The following PTPRN2 variants were observed in gnomAD, a reference collection of about 807,000 sequenced individuals.
PTPRN2 encodes the protein receptor-type tyrosine-protein phosphatase N2.
PTPRN2 carries 74 observed loss-of-function variants against 118.8 expected under a neutral mutation model. The observed-to-expected ratio is 0.62, with a 90% confidence interval of 0.52 to 0.76. PTPRN2 has a LOEUF of 0.76. Among genes scored for constraint, PTPRN2 ranks in the 30% least tolerant of loss-of-function variants. PTPRN2 has a pLI of 0.00. For missense variants in PTPRN2, 1,481 were observed against 1,394.4 expected, an observed-to-expected ratio of 1.06 and a Z score of -0.99; for synonymous variants, 641 against 608.0, an observed-to-expected ratio of 1.05 and a Z score of -0.80.
At chr7:158,262,889 TCACA>T (rs199523795) in intron 3 of PTPRN2, among the ~76,000 whole-genome samples, 7 of 114,074 alleles carry the variant, frequency 6.1e-5, no homozygotes, top group Admixed American at 3.7e-4. Flanking sequence ...ACACATACAT[TCACA>T]CACACTGCAA....
At chr7:158,132,099 T>C (rs186929359) in intron 9 of PTPRN2, among the ~76,000 whole-genome samples, 174 of 145,034 alleles carry the variant, frequency 1.2e-3, no homozygotes, top group African/African-American at 4.4e-3. Context: ...CACGCACATA[T>C]GCACAGATAC....
At chr7:158,004,002 A>C (rs1805469238) in intron 11 of PTPRN2, among the ~76,000 whole-genome samples, 1 of 152,056 alleles carries the variant, frequency 6.6e-6, no homozygotes, top group African/African-American at 2.4e-5. Context: ...GTTTCATTTC[A>C]CTGAGTTCCA....
chr7:158,344,520 A>G (rs1807342908), intron 2 of PTPRN2, among the ~76,000 whole-genome samples: 1 of 142,114 alleles, frequency 7.0e-6, no homozygotes, highest in Non-Finnish European at 1.6e-5. Flanking sequence ...CCGGCATTTA[A>G]TACAAGACAC....
At chr7:157,816,260 G>C (rs1438606611) in intron 12 of PTPRN2, among the ~76,000 whole-genome samples, 1 of 152,192 alleles carries the variant, frequency 6.6e-6, no homozygotes, top group Non-Finnish European at 1.5e-5. Flanking sequence ...CCGCCTCCCT[G>C]GGCCATGCTG....
In PTPRN2 at chr7:157,546,774, T is replaced by G. The variant is rs533227121; in HGVS notation, c.2976+2172A>C. Among the ~76,000 whole-genome samples the G allele has an allele frequency of 8.5e-5, 13 of 152,352 alleles. No homozygotes were observed. In the East Asian group the frequency reaches 2.5e-3, roughly 29 times the overall value. The stretch of plus-strand genomic sequence containing the variant: ...ACCTGGCATGTAATGATTGTGACTG[T>G]GGCTTCCTCTTTCTCTGATGAGTCC... On this transcript the variant is annotated intron_variant, in intron 22 of 22. Transcript: ENST00000389418.
At chr7:158,313,831 T>A (rs1443580502) in intron 3 of PTPRN2, among the ~76,000 whole-genome samples, 2 of 152,234 alleles carry the variant, frequency 1.3e-5, no homozygotes, top group Non-Finnish European at 2.9e-5. Context: ...GAAAAAGCTA[T>A]TGCTTTAAAA....
At chr7:157,679,163 A>G (rs547394306) in intron 13 of PTPRN2, among the ~76,000 whole-genome samples, 2 of 152,338 alleles carry the variant, frequency 1.3e-5, no homozygotes, top group South Asian at 2.1e-4. Flanking sequence ...AAAAAGAATA[A>G]AAGTCAATAA....
At chr7:157,562,666 ATGTG>A (rs1799248789) in intron 21 of PTPRN2, among the ~76,000 whole-genome samples, 1 of 151,754 alleles carries the variant, frequency 6.6e-6, no homozygotes, top group Non-Finnish European at 1.5e-5. Flanking sequence ...GATCAGGACC[ATGTG>A]CTCCCGCGTC....
At chr7:157,566,558 G>A (rs1336840767) in intron 21 of PTPRN2, among the ~76,000 whole-genome samples, 1 of 152,228 alleles carries the variant, frequency 6.6e-6, no homozygotes, top group Non-Finnish European at 1.5e-5. Flanking sequence ...CCCAGGGAAA[G>A]AGGAGCAGGT....
chr7:157,591,919 T>C lies in PTPRN2; in HGVS notation c.2496+3319A>G, dbSNP rs1162205599. Reference sequence around the variant, plus strand: ...TCTGCAGGGAGCAAAATGAAGCGAGTTTCTTTAGTTCACAATTTCTCAGAG... The same window carrying C: ...TCTGCAGGGAGCAAAATGAAGCGAGCTTCTTTAGTTCACAATTTCTCAGAG... On this transcript the variant is annotated intron_variant, in intron 17 of 22. Coordinates refer to ENST00000389418, the MANE Select transcript of PTPRN2 (RefSeq NM_002847.5). The surrounding 1 kb of genome is among the most constrained non-coding windows in gnomAD (Gnocchi z 4.4). Among the ~76,000 whole-genome samples the C allele has an allele frequency of 1.3e-5, 2 of 151,774 alleles. No homozygotes were observed. Among genetic ancestry groups the C allele is most frequent in the Non-Finnish European group, 2.9e-5 (2 of 67,952 alleles).
intron 6 of PTPRN2, among the ~76,000 whole-genome samples, chr7:158,156,893 CCT>C (rs962056815): frequency 6.6e-6 from 1 of 152,234 alleles, no homozygotes; most frequent in Non-Finnish European, 1.5e-5. Flanking sequence ...GGAGAGCACC[CCT>C]GTTCCATGTG....
At chr7:158,095,670 C>T (rs887724514) in intron 10 of PTPRN2, among the ~76,000 whole-genome samples, 2 of 152,216 alleles carry the variant, frequency 1.3e-5, no homozygotes, top group African/African-American at 4.8e-5. Flanking sequence ...CAGAAACACT[C>T]TAGTCACTGA....
Position 158,501,252 on chromosome 7 carries a change from T to C in PTPRN2, c.113-11467A>G, listed in dbSNP as rs529362829. Among the ~76,000 whole-genome samples, 157 of 152,314 alleles carry C rather than the reference T, an allele frequency of 1.0e-3. 1 individual carries two copies. The highest frequency in any genetic ancestry group is 3.7e-3 in the African/African-American group (152 of 41,568). ...GAAAGATGAGTTTTATCATCTCTTG[T>C]GTTTTAAGTTATCCTCAGACCCTCT... On this transcript the variant is annotated intron_variant, in intron 1 of 22. Transcript: ENST00000389418.
chr7:157,807,286 G>A (rs1563129910), intron 12 of PTPRN2, among the ~76,000 whole-genome samples: 1 of 152,212 alleles, frequency 6.6e-6, no homozygotes, highest in East Asian at 1.9e-4. Context: ...AATGCTTCCT[G>A]GCTGATTACA....
intron 11 of PTPRN2, among the ~76,000 whole-genome samples, chr7:158,075,259 T>C (rs1053573257): frequency 3.9e-5 from 6 of 152,178 alleles, no homozygotes; most frequent in Non-Finnish European, 5.9e-5. Context: ...CATCTCCGAT[T>C]CCCTAAAGCC....
intron 6 of PTPRN2, among the ~76,000 whole-genome samples, chr7:158,145,490 C>A (rs570454239): frequency 6.6e-6 from 1 of 152,332 alleles, no homozygotes; most frequent in Admixed American, 6.5e-5. Flanking sequence ...GTTTGGGGAA[C>A]TGGCAGGCAT....
intron 11 of PTPRN2, among the ~76,000 whole-genome samples, chr7:157,996,911 A>C (rs1804790880): frequency 6.6e-6 from 1 of 152,068 alleles, no homozygotes; most frequent in African/African-American, 2.4e-5. Context: ...GACACATCCT[A>C]GGCCCGGGGC....
At chr7:158,330,976 C>G (rs1326440181) in intron 2 of PTPRN2, among the ~76,000 whole-genome samples, 1 of 123,276 alleles carries the variant, frequency 8.1e-6, no homozygotes, top group Admixed American at 8.6e-5. Flanking sequence ...CACTCACACC[C>G]ACACTCTCAC....
chr7:157,912,815 A>C (rs1421850026), intron 11 of PTPRN2, among the ~76,000 whole-genome samples: 1 of 151,942 alleles, frequency 6.6e-6, no homozygotes, highest in African/African-American at 2.4e-5. Flanking sequence ...TTAAGGGTCT[A>C]CTCCTGGGTT....
Sources: gnomAD v4.1 joint callset for allele counts (sites outside exome capture counted in the v4.1 genomes callset) on GRCh38, gnomAD v4.1.1 for gene constraint, Gnocchi (gnomAD v3.1) non-coding constraint, MANE v1.5 for transcripts, NCBI Gene and HGNC (gene_info 2026-07-23, HGNC 2026-07-21) for gene names.